Variants in ARL15 observed in about 807,000 individuals in gnomAD.
The protein encoded by ARL15 is ADP-ribosylation factor-like protein 15.
In ARL15, 19 loss-of-function variants were observed where a neutral mutation model predicts 25.2. That is an observed-to-expected ratio of 0.75 (90% CI 0.53 to 1.10). ARL15 has a LOEUF of 1.10. Among genes scored for constraint, ARL15 ranks in the 50% least tolerant of loss-of-function variants. The probability of loss-of-function intolerance (pLI) is 0.00; values close to 1 mark genes in which losing one functional copy is unlikely to be tolerated. For missense variants in ARL15, 220 were observed against 246.0 expected, an observed-to-expected ratio of 0.89 and a Z score of 0.71; for synonymous variants, 94 against 86.8, an observed-to-expected ratio of 1.08 and a Z score of -0.46.
chr5:54,302,832 G>A (rs765984315), intron 1 of ARL15, among the ~76,000 whole-genome samples: 56 of 151,714 alleles, frequency 3.7e-4, no homozygotes, highest in Non-Finnish European at 6.2e-4. Context: ...ACAGACACTC[G>A]GAAAATGAGG....
intron 4 of ARL15, among the ~76,000 whole-genome samples, chr5:54,093,718 A>C (rs1419394362): frequency 1.3e-5 from 2 of 151,282 alleles, no homozygotes; most frequent in African/African-American, 2.4e-5. Flanking sequence ...AAAAAGACTG[A>C]TCTGGGTTAT....
At chr5:54,101,264 G>A (rs1752430186) in intron 4 of ARL15, among the ~76,000 whole-genome samples, 3 of 151,794 alleles carry the variant, frequency 2.0e-5, no homozygotes, top group Non-Finnish European at 2.9e-5. Flanking sequence ...TTTTCAGTTC[G>A]GCTTTACCAG....
intron 4 of ARL15, among the ~76,000 whole-genome samples, chr5:54,103,815 T>C (rs1446160553): frequency 1.3e-5 from 2 of 152,204 alleles, no homozygotes; most frequent in East Asian, 1.9e-4. Context: ...TTATTACATG[T>C]TTTTGTTCTC....
intron 3 of ARL15, among the ~76,000 whole-genome samples, chr5:54,123,053 T>C (rs1753133499): frequency 6.6e-6 from 1 of 151,942 alleles, no homozygotes; most frequent in Non-Finnish European, 1.5e-5. Flanking sequence ...GGACAAGAAG[T>C]CTCATTTTTA....
At chr5:54,073,588 G>T (rs1030746162) in intron 4 of ARL15, among the ~76,000 whole-genome samples, 1 of 152,152 alleles carries the variant, frequency 6.6e-6, no homozygotes, top group African/African-American at 2.4e-5. Flanking sequence ...AACACTCTGG[G>T]GAAAGCAAAT....
rs116809575 is a variant in ARL15 at position 54,028,730 on chromosome 5, G to A, written c.462+84472C>T. ...TAGTCAATCAGAATTACTAACAATT[G>A]GCCAGGCATGGTGGCTCATGCCTGT... On this transcript the variant is annotated intron_variant, in intron 4 of 4. Coordinates refer to ENST00000504924, the MANE Select transcript of ARL15 (RefSeq NM_019087.3). Among the ~76,000 whole-genome samples, 794 of 152,208 alleles carry A rather than the reference G, an allele frequency of 5.2e-3. 3 individuals are homozygous for A. Among genetic ancestry groups the A allele is most frequent in the Admixed American group, 0.011 (168 of 15,298 alleles).
intron 4 of ARL15, among the ~76,000 whole-genome samples, chr5:54,100,672 T>C (rs1351740372): frequency 6.6e-6 from 1 of 152,096 alleles, no homozygotes; most frequent in Non-Finnish European, 1.5e-5. Flanking sequence ...GTTTTAGAAG[T>C]ACCATCTTTA....
At chr5:54,188,317 T>G (rs1168822753) in intron 1 of ARL15, among the ~76,000 whole-genome samples, 1 of 152,120 alleles carries the variant, frequency 6.6e-6, no homozygotes, top group Non-Finnish European at 1.5e-5. Flanking sequence ...GGTAAAGGCA[T>G]GTATTTTATA....
chr5:53,927,018 A>C (rs1746053498), intron 4 of ARL15, among the ~76,000 whole-genome samples: 1 of 151,380 alleles, frequency 6.6e-6, no homozygotes. Flanking sequence ...TTTTATTTTT[A>C]TTGTGGTAAA....
intron 4 of ARL15, among the ~76,000 whole-genome samples, chr5:54,098,611 G>A (rs1013394057): frequency 4.6e-5 from 7 of 151,958 alleles, no homozygotes; most frequent in African/African-American, 1.5e-4. Flanking sequence ...GAGAATGAAG[G>A]GGGAAAAAAG....
chr5:54,098,415 C>T (rs2112168912), intron 4 of ARL15, among the ~76,000 whole-genome samples: 1 of 152,230 alleles, frequency 6.6e-6, no homozygotes, highest in Middle Eastern at 3.4e-3. Flanking sequence ...TCTGTCTAGC[C>T]ATCCTCCGTC....
intron 4 of ARL15, among the ~76,000 whole-genome samples, chr5:54,047,228 T>C (rs1382387747): frequency 6.6e-6 from 1 of 152,158 alleles, no homozygotes; most frequent in Non-Finnish European, 1.5e-5. Context: ...GGGACTGCAT[T>C]AAACAAAACA....
intron 4 of ARL15, among the ~76,000 whole-genome samples, chr5:54,081,819 T>A (rs1399371224): frequency 6.6e-6 from 1 of 152,110 alleles, no homozygotes; most frequent in African/African-American, 2.4e-5. Context: ...AGGCTAGGTA[T>A]GGTGGCTCAT....
At position 54,044,429 on chromosome 5, in the gene ARL15, C is replaced by T. The variant is rs915313543; in HGVS notation, c.462+68773G>A. 2.2e-4 allele frequency among the ~76,000 whole-genome samples: 34 copies of T among 151,942 alleles called. 1 individual carries two copies. The highest frequency in any genetic ancestry group is 3.8e-4 in the Non-Finnish European group (26 of 67,928). Reference sequence around the variant, plus strand: ...TGGCTAACTTTTTGTATTTTTAGTACAGATGGTATTTCGCCACGTTGGCCA... The same window carrying T: ...TGGCTAACTTTTTGTATTTTTAGTATAGATGGTATTTCGCCACGTTGGCCA... On this transcript the variant is annotated intron_variant, in intron 4 of 4. Transcript: ENST00000504924.
At chr5:53,991,965 C>G (rs788592) in intron 4 of ARL15, among the ~76,000 whole-genome samples, 3 of 152,058 alleles carry the variant, frequency 2.0e-5, no homozygotes, top group Admixed American at 2.0e-4. Context: ...CACAACTACT[C>G]ACTAAAGTAT....
At chr5:53,923,380 C>T (rs1450028966) in intron 4 of ARL15, among the ~76,000 whole-genome samples, 1 of 152,158 alleles carries the variant, frequency 6.6e-6, no homozygotes, top group African/African-American at 2.4e-5. Context: ...GCAGGCTGTT[C>T]CCTGTCCCCA....
chr5:53,902,626 A>G (rs1745103723), intron 4 of ARL15, among the ~76,000 whole-genome samples: 1 of 152,200 alleles, frequency 6.6e-6, no homozygotes, highest in South Asian at 2.1e-4. Context: ...CTGTCCTAAC[A>G]ACGACAACAT....
intron 1 of ARL15, among the ~76,000 whole-genome samples, chr5:54,178,725 C>T (rs1051506206): frequency 6.6e-6 from 1 of 152,160 alleles, no homozygotes; most frequent in African/African-American, 2.4e-5. Context: ...TAACACTAAG[C>T]GTTGCTCAAT....
intron 4 of ARL15, among the ~76,000 whole-genome samples, chr5:53,886,937 A>G (rs1406471034): frequency 1.3e-5 from 2 of 152,174 alleles, no homozygotes; most frequent in Non-Finnish European, 2.9e-5. Context: ...TCTGCGTGCA[A>G]GCCACCATTC....
Sources: allele counts gnomAD v4.1 joint callset (sites outside exome capture counted in the v4.1 genomes callset), GRCh38; gene constraint gnomAD v4.1.1; transcripts MANE v1.5; gene names NCBI Gene and HGNC (gene_info 2026-07-23, HGNC 2026-07-21).